CADPS2: variants seen among roughly 807,000 people sequenced by gnomAD.
CADPS2 encodes calcium dependent secretion activator 2.
A neutral mutation model predicts 172.5 loss-of-function variants in CADPS2; 93 were observed. The observed-to-expected ratio is 0.54, with a 90% CI of 0.46 to 0.64. The LOEUF (loss-of-function observed/expected upper bound fraction) is 0.64, where lower values mean the gene tolerates loss of function less well. Among genes scored for constraint, CADPS2 ranks in the 30% least tolerant of loss-of-function variants. The pLI, the probability that CADPS2 is intolerant of heterozygous loss-of-function variation, is 0.00. For missense variants in CADPS2, 1,420 were observed against 1,565.9 expected (o/e 0.91, Z 1.57); for synonymous variants, 546 against 555.2 (o/e 0.98, Z 0.23).
chr7:122,324,338 A>G (rs1318046846), intron 29 of CADPS2, among the ~76,000 whole-genome samples: 1 of 152,180 alleles, frequency 6.6e-6, no homozygotes, highest in Non-Finnish European at 1.5e-5. Context: ...ATTAGACTGT[A>G]GGAACCAAAG....
chr7:122,701,761 C>A (rs2086132817), intron 2 of CADPS2: 1 of 1,053,032 alleles, frequency 9.5e-7, no homozygotes, highest in Admixed American at 2.3e-5. Flanking sequence ...ACATAAAGTA[C>A]AATAAGACAA....
At chr7:122,725,156 T>C (rs1183225779) in intron 2 of CADPS2, among the ~76,000 whole-genome samples, 1 of 152,072 alleles carries the variant, frequency 6.6e-6, no homozygotes, top group African/African-American at 2.4e-5. Context: ...CAGGCACTGC[T>C]AGTACTACTG....
At chr7:122,369,155 T>TGAGTCG (rs2041413647) in intron 25 of CADPS2, among the ~76,000 whole-genome samples, 1 of 99,464 alleles carries the variant, frequency 1.0e-5, no homozygotes, top group Non-Finnish European at 1.9e-5. Flanking sequence ...TTTTTTTTTT[T>TGAGTCG]GAGTCTCGCT....
At chr7:122,585,878 A>T (rs909658111) in intron 6 of CADPS2, 1 of 151,996 alleles carries the variant, frequency 6.6e-6, no homozygotes, top group African/African-American at 2.4e-5. Context: ...AATTTGTATC[A>T]GGAGCCAAAA....
At chr7:122,850,962 T>C (rs2141095950) in intron 1 of CADPS2, among the ~76,000 whole-genome samples, 1 of 152,332 alleles carries the variant, frequency 6.6e-6, no homozygotes, top group East Asian at 1.9e-4. Context: ...TGGTAAGCAC[T>C]GGCCAAGTAT....
At chr7:122,745,841 C>T (rs1472403901) in intron 1 of CADPS2, among the ~76,000 whole-genome samples, 1 of 151,868 alleles carries the variant, frequency 6.6e-6, no homozygotes, top group African/African-American at 2.4e-5. Context: ...TTTCAACACA[C>T]CACAATGGAT....
At chr7:122,356,166 G>T (rs926297353) in intron 27 of CADPS2, among the ~76,000 whole-genome samples, 1 of 151,968 alleles carries the variant, frequency 6.6e-6, no homozygotes, top group Non-Finnish European at 1.5e-5. Context: ...AGGATACCAC[G>T]TTACATTTAG....
intron 23 of CADPS2, 102 bp from the exon 24 acceptor site, chr7:122,387,275 G>A: frequency 8.3e-7 from 1 of 1,204,574 alleles, no homozygotes; most frequent in Non-Finnish European, 1.2e-6. Flanking sequence ...TTTAAAACAT[G>A]CAAATAAGGA....
intron 11 of CADPS2, among the ~76,000 whole-genome samples, chr7:122,482,705 A>C (rs1344921069): frequency 6.6e-6 from 1 of 152,184 alleles, no homozygotes; most frequent in Admixed American, 6.5e-5. Context: ...CCATGGCACA[A>C]GCAACAGGAA....
intron 1 of CADPS2, among the ~76,000 whole-genome samples, chr7:122,831,914 A>G (rs929715301): frequency 6.6e-6 from 1 of 152,204 alleles, no homozygotes; most frequent in Non-Finnish European, 1.5e-5. Flanking sequence ...GAAAAAAACT[A>G]TATTTCAATA....
At chr7:122,807,585 T>A (rs1287094002) in intron 1 of CADPS2, among the ~76,000 whole-genome samples, 3 of 152,208 alleles carry the variant, frequency 2.0e-5, no homozygotes, top group Non-Finnish European at 4.4e-5. Flanking sequence ...TATAACAAAA[T>A]GCCACAGACT....
At chr7:122,698,372 G>A (rs1374495082) in intron 2 of CADPS2, 1 of 1,613,640 alleles carries the variant, frequency 6.2e-7, no homozygotes, top group South Asian at 1.1e-5. Context: ...CAGATGATGT[G>A]CTTTCTCCCC....
intron 8 of CADPS2, among the ~76,000 whole-genome samples, chr7:122,547,617 A>G (rs1329751084): frequency 1.3e-5 from 2 of 152,214 alleles, no homozygotes; most frequent in African/African-American, 2.4e-5. Flanking sequence ...TTCCTATTCT[A>G]TGGCAATCAA....
chr7:122,674,100 C>T (rs138119809), intron 2 of CADPS2, among the ~76,000 whole-genome samples: 5,458 of 152,222 alleles, frequency 0.036, 186 homozygotes, highest in Non-Finnish European at 0.049. Flanking sequence ...CCGGGGCCAG[C>T]GGTGCTGGCT....
intron 1 of CADPS2, among the ~76,000 whole-genome samples, chr7:122,825,677 TTAAC>T (rs1804677454): frequency 6.6e-6 from 1 of 152,194 alleles, no homozygotes; most frequent in Admixed American, 6.5e-5. Context: ...TTTACATTCT[TTAAC>T]TTTTTTTAAT....
At position 122,319,064 on chromosome 7, in the gene CADPS2, T is replaced by A. The variant is rs1238213141; in HGVS notation, c.*1101A>T. The A allele has an allele frequency of 6.6e-6, 1 of 152,192 alleles. No homozygotes were observed. Among genetic ancestry groups the A allele is most frequent in the East Asian group, 1.9e-4 (1 of 5,180 alleles). The allele number at this position is 152,192 out of a possible 1,614,324, so 9.4% of individuals were successfully genotyped here. On this transcript the variant is annotated 3_prime_UTR_variant, in exon 30 of 30. Coordinates refer to ENST00000449022, the MANE Select transcript of CADPS2 (RefSeq NM_017954.11). ...GAAAATATTTTGAGAGAACCACTAA[T>A]AATGTGAATTACTAGTTAATATTAC...
At chr7:122,350,918 A>T (rs962224260) in intron 27 of CADPS2, among the ~76,000 whole-genome samples, 1 of 152,086 alleles carries the variant, frequency 6.6e-6, no homozygotes, top group African/African-American at 2.4e-5. Flanking sequence ...CTATGATCAC[A>T]CTACTGCCCT....
At chr7:122,816,368 G>A (rs1029925036) in intron 1 of CADPS2, among the ~76,000 whole-genome samples, 1 of 152,144 alleles carries the variant, frequency 6.6e-6, no homozygotes, top group Non-Finnish European at 1.5e-5. Flanking sequence ...CAAATGACAA[G>A]ATTTCATTCT....
At chr7:122,716,423 C>G (rs968515154) in intron 2 of CADPS2, among the ~76,000 whole-genome samples, 1 of 152,092 alleles carries the variant, frequency 6.6e-6, no homozygotes, top group African/African-American at 2.4e-5. Flanking sequence ...TACTCCTAGA[C>G]AAAATCCCTT....
Sources: allele counts gnomAD v4.1 joint callset (sites outside exome capture counted in the v4.1 genomes callset), GRCh38; gene constraint gnomAD v4.1.1; transcripts MANE v1.5; gene names NCBI Gene and HGNC (gene_info 2026-07-23, HGNC 2026-07-21).